Variants in KDM4A observed in about 807,000 individuals in gnomAD.
The protein encoded by KDM4A is lysine demethylase 4A, also known as lysine-specific demethylase 4A.
In KDM4A, 23 loss-of-function variants were observed where a neutral mutation model predicts 127.1. That is an observed-to-expected ratio of 0.18 (90% CI 0.13 to 0.26). The LOEUF is 0.26. Among genes scored for constraint, KDM4A ranks in the 10% least tolerant of loss-of-function variants. The pLI is 1.00. For missense variants in KDM4A, 890 were observed against 1,329.1 expected (o/e 0.67, Z 5.14); for synonymous variants, 443 against 466.5 (o/e 0.95, Z 0.65).
chr1:43,674,772 G>A (rs1221490096), intron 11 of KDM4A, among the ~76,000 whole-genome samples: 1 of 152,108 alleles, frequency 6.6e-6, no homozygotes, highest in African/African-American at 2.4e-5. Flanking sequence ...GCCTCCCAAA[G>A]TGCTGAGATT....
intron 2 of KDM4A, among the ~76,000 whole-genome samples, chr1:43,655,013 G>A (rs956266078): frequency 1.3e-5 from 2 of 151,994 alleles, no homozygotes; most frequent in African/African-American, 4.8e-5. Flanking sequence ...ACCACACCAG[G>A]CTAATTTTTG....
chr1:43,691,097 CT>C (rs1046942721), intron 14 of KDM4A, 48 bp downstream of exon 14: 3 of 1,586,312 alleles, frequency 1.9e-6, no homozygotes, highest in Non-Finnish European at 2.6e-6. Flanking sequence ...GAGTATGGGC[CT>C]GCTCACTGGA....
At chr1:43,657,965 G>A (rs1167618664) in intron 3 of KDM4A, among the ~76,000 whole-genome samples, 1 of 151,108 alleles carries the variant, frequency 6.6e-6, no homozygotes, top group Non-Finnish European at 1.5e-5. Context: ...GGCTGGTCTC[G>A]CTTTTTCTTC....
In KDM4A at chr1:43,703,043, C is replaced by T. The variant is rs189950930; in HGVS notation, c.2842-574C>T. Among the ~76,000 whole-genome samples, 77 of 151,764 alleles carry T rather than the reference C, an allele frequency of 5.1e-4. 2 individuals carry two copies. The highest frequency in any genetic ancestry group is 1.8e-3 in the African/African-American group (74 of 41,476). On this transcript the variant is annotated intron_variant, in intron 19 of 21. Coordinates refer to ENST00000372396, the MANE Select transcript of KDM4A (RefSeq NM_014663.3). ...CTGCAAGCTCCGCCTCCTGGGTTCA[C>T]ACCATTCTCCTGCCTCAGACTCCCG... is the stretch of plus-strand genomic sequence containing the variant.
At chr1:43,691,687 G>A (rs1043447015) in intron 15 of KDM4A, 115 bp downstream of exon 15, 27 of 863,090 alleles carry the variant, frequency 3.1e-5, no homozygotes, top group African/African-American at 1.5e-4. Flanking sequence ...TCTGGTACGC[G>A]GTGATGTCAG....
chr1:43,699,060 A>G (rs904833210), intron 19 of KDM4A, among the ~76,000 whole-genome samples: 7 of 149,210 alleles, frequency 4.7e-5, no homozygotes, highest in African/African-American at 1.7e-4. Flanking sequence ...AAGTGGTGGG[A>G]TTACAGGCGT....
chr1:43,652,863 T>C (rs1302484419), intron 1 of KDM4A, among the ~76,000 whole-genome samples: 1 of 151,764 alleles, frequency 6.6e-6, no homozygotes, highest in Non-Finnish European at 1.5e-5. Context: ...TTTGTATTTT[T>C]AGTAGAGACA....
intron 1 of KDM4A, among the ~76,000 whole-genome samples, chr1:43,652,078 C>T (rs2154046113): frequency 6.6e-6 from 1 of 152,296 alleles, no homozygotes; most frequent in Admixed American, 6.5e-5. Context: ...GTTTTGTTAT[C>T]TTGTAGCCAC....
intron 15 of KDM4A, 62 bp downstream of exon 15, chr1:43,691,634 C>G (rs371923649): frequency 1.6e-5 from 22 of 1,409,522 alleles, no homozygotes; most frequent in Non-Finnish European, 2.0e-5. Flanking sequence ...CAGGGCCAGA[C>G]GATTTCATGT....
At position 43,703,688 on chromosome 1, in the gene KDM4A, A is replaced by G. The variant is rs755944801; in HGVS notation, c.2913A>G (p.Gln971=). 2 of 1,614,146 alleles carry G rather than the reference A, an allele frequency of 1.2e-6. No individual in the cohort carries two copies. The highest frequency in any genetic ancestry group is 2.2e-5 in the South Asian group (2 of 91,080). ...EVVQVRWTDG[Q]VYGAKFVASH... is the part of the protein sequence containing the mutation. ...TCCAAGTGAGATGGACAGACGGCCA[A>G]GTCTATGGAGCCAAGTTTGTGGCCT... is the stretch of plus-strand genomic sequence containing the variant. The change falls in exon 20 of 22, where the codon CAA becomes CAG. Residue 971 remains glutamine (Q), a synonymous_variant. Transcript: ENST00000372396.
intron 6 of KDM4A, 106 bp from the exon 7 acceptor site, chr1:43,666,346 T>G (rs1660501627): frequency 2.3e-6 from 2 of 851,592 alleles, no homozygotes; most frequent in South Asian, 3.2e-5. Context: ...ACATTGGTGA[T>G]GCATCCTCTT....
At position 43,688,992 on chromosome 1, in the gene KDM4A, A is replaced by G; in HGVS notation, c.1934A>G (p.Gln645Arg). The change falls in exon 13 of 22, where the codon CAG (glutamine) becomes CGG (arginine). Residue 645 changes from glutamine to arginine, a missense_variant. Coordinates refer to ENST00000372396, the MANE Select transcript of KDM4A (RefSeq NM_014663.3). The surrounding 1 kb of genome is among the most constrained non-coding windows in gnomAD (Gnocchi z 4.4). ...AWAKPLSQLW[Q>R]NRPPNFEAEK... ...GCCAAGCCTCTGAGCCAACTGTGGC[A>G]GAACCGACCTCCAAACTTTGAGGCT... 6.2e-7 allele frequency: 1 copy of G among 1,614,246 alleles called. No individual in the cohort carries two copies.
At chr1:43,682,005 G>A (rs1166349072) in intron 11 of KDM4A, among the ~76,000 whole-genome samples, 1 of 152,146 alleles carries the variant, frequency 6.6e-6, no homozygotes, top group Admixed American at 6.5e-5. Flanking sequence ...TCTCACTTCT[G>A]TCACCCAGGC....
chr1:43,696,219 G>A (rs1661235449), intron 18 of KDM4A, among the ~76,000 whole-genome samples: 1 of 152,196 alleles, frequency 6.6e-6, no homozygotes, highest in Non-Finnish European at 1.5e-5. Flanking sequence ...CAACAGAGAA[G>A]GCAGGGCTGG....
chr1:43,684,327 C>A (rs1331083816), intron 12 of KDM4A, among the ~76,000 whole-genome samples: 2 of 152,112 alleles, frequency 1.3e-5, no homozygotes, highest in African/African-American at 4.8e-5. Context: ...ACACGTGAAA[C>A]CCCATCTCTA....
At position 43,667,892 on chromosome 1, in the gene KDM4A, C is replaced by T; in HGVS notation, c.1036C>T (p.Pro346Ser). 1 of 1,614,136 alleles carries T rather than the reference C, an allele frequency of 6.2e-7. No homozygotes were observed. Among genetic ancestry groups the T allele is most frequent in the Non-Finnish European group, 8.5e-7 (1 of 1,180,026 alleles). ...KDNTVIDHTL[P>S]TPEAAEFLKE... ...CAACACAGTTATTGACCATACTCTGCCCACGCCAGAAGCAGCTGAGTTTCT... is the reference window on the plus strand; with the variant it reads ...CAACACAGTTATTGACCATACTCTGTCCACGCCAGAAGCAGCTGAGTTTCT... The change falls in exon 9 of 22, where the codon CCC (proline) becomes TCC (serine). Residue 346 changes from proline (P) to serine (S), a missense_variant. By Grantham distance (74) the Pro-to-Ser change is moderately conservative. Around this residue, in one of 7 missense-constraint regions of KDM4A, gnomAD observed 389 missense variants for 485.9 expected, o/e 0.80. Transcript: ENST00000372396.
chr1:43,669,404 G>C, intron 10 of KDM4A, 105 bp downstream of exon 10: 4 of 1,138,358 alleles, frequency 3.5e-6, no homozygotes, highest in Middle Eastern at 4.0e-4. Context: ...CAGAGTGACA[G>C]GTCCGTGAGC....
In KDM4A at chr1:43,704,767, A is replaced by ATATG. The variant is rs752785489; in HGVS notation, c.*399_*402dup. ...TGCCCCAACCCCTACTTTTGTATTT[A>ATATG]TATGTGTGTGTGTGTGTGCGTGCGT... is the stretch of plus-strand genomic sequence containing the variant. On this transcript the variant is annotated 3_prime_UTR_variant, in exon 22 of 22. Transcript: ENST00000372396. 2 of 235,822 alleles carry ATATG rather than the reference A, an allele frequency of 8.5e-6. No homozygotes were observed. Among genetic ancestry groups the ATATG allele is most frequent in the Non-Finnish European group, 8.3e-6 (1 of 120,232 alleles). 14.6% of individuals were successfully genotyped at this position (235,822 alleles called of 1,614,324 possible). A position where few individuals can be genotyped will look rare whatever the true frequency, so the allele number is the denominator to read the frequency against.
In KDM4A at chr1:43,655,691, G is replaced by A; in HGVS notation, c.239G>A (p.Gly80Asp). 1 of 1,613,932 alleles carries A rather than the reference G, an allele frequency of 6.2e-7. No homozygotes were observed. Among genetic ancestry groups the A allele is most frequent in the Non-Finnish European group, 8.5e-7 (1 of 1,179,944 alleles). Residue 80 changes from glycine to aspartate, a missense_variant, in exon 3 of 22, where the codon GGC (glycine) becomes GAC (aspartate). Gly to Asp is a moderately conservative substitution (Grantham distance 94). Coordinates refer to ENST00000372396, the MANE Select transcript of KDM4A (RefSeq NM_014663.3). ...CAACAGCTGGTGACGGGGCAGTCTG[G>A]CCTCTTTACTCAGTACAACATACAG... Reference protein sequence around the residue: ...PIQQLVTGQSGLFTQYNIQKK... With the variant: ...PIQQLVTGQSDLFTQYNIQKK...
Sources: allele counts gnomAD v4.1 joint callset (sites outside exome capture counted in the v4.1 genomes callset), GRCh38; gene constraint gnomAD v4.1.1; regional missense constraint gnomAD v4.1.1; non-coding constraint Gnocchi (gnomAD v3.1); transcripts MANE v1.5; gene names NCBI Gene and HGNC (gene_info 2026-07-23, HGNC 2026-07-21).